Variants in TMC6 observed in about 807,000 individuals in gnomAD.
TMC6 encodes the protein transmembrane channel like 6, also known as transmembrane channel-like protein 6.
Under a neutral mutation model 95.4 loss-of-function variants are expected in TMC6, and 71 were observed. The observed-to-expected ratio is 0.74, with a 90% CI of 0.61 to 0.91. The LOEUF is 0.91. Among genes scored for constraint, TMC6 ranks in the 40% least tolerant of loss-of-function variants. The probability of loss-of-function intolerance (pLI) is 0.00; values close to 1 mark genes in which losing one functional copy is unlikely to be tolerated. For synonymous variants in TMC6, 514 were observed against 483.1 expected (o/e 1.06, Z -0.84); for missense variants, 1,074 against 1,079.1 (o/e 1.00, Z 0.07).
chr17:78,121,311 A>G lies in TMC6; in HGVS notation c.1384-147T>C, dbSNP rs1427202173. On this transcript the variant is annotated intron_variant, in intron 11 of 19. Transcript: ENST00000590602. This position sits in a 1 kb window ranked among gnomAD's most constrained non-coding sequence, Gnocchi z 5.6. ...TCCCCAGGCCTCAAGTTCAAACCAC[A>G]CAGGAAGCAGGGAGGGGTACAAGTA... The G allele has an allele frequency of 3.8e-5, 53 of 1,393,622 alleles. No homozygotes were observed. In the South Asian group the frequency reaches 6.2e-4, roughly 16 times the overall value. The allele number at this position is 1,393,622 out of a possible 1,614,324, so 86.3% of individuals were successfully genotyped here. A position where few individuals can be genotyped will look rare whatever the true frequency, so the allele number is the denominator to read the frequency against.
intron 4 of TMC6, 56 bp downstream of exon 4, chr17:78,126,221 G>A: frequency 6.5e-7 from 1 of 1,534,450 alleles, no homozygotes; most frequent in Non-Finnish European, 8.8e-7. Flanking sequence ...CCCAGCCCCA[G>A]GGACTGGGGT....
rs1200963315 is a variant in TMC6, at chr17:78,109,688, C to A, written c.*3460G>T. The A allele has an allele frequency of 5.2e-6, 2 of 388,188 alleles. No individual in the cohort carries two copies. Among genetic ancestry groups the A allele is most frequent in the South Asian group, 3.8e-5 (2 of 53,138 alleles). 24.0% of individuals were successfully genotyped at this position (388,188 alleles called of 1,614,324 possible). ...GCCCACGGGCGTGAGTGCATGCATG[C>A]GTTTGTGACAGCCTGGTGCTCGGAT... is the stretch of plus-strand genomic sequence containing the variant. On this transcript the variant is annotated 3_prime_UTR_variant, in exon 20 of 20. Coordinates refer to ENST00000590602, the MANE Select transcript of TMC6 (RefSeq NM_001127198.5).
intron 4 of TMC6, 184 bp from the exon 5 acceptor site, chr17:78,126,068 C>CA (rs2074696097): frequency 1.8e-6 from 2 of 1,136,648 alleles, no homozygotes; most frequent in Non-Finnish European, 2.5e-6. Flanking sequence ...ACTCTGGAGT[C>CA]ATTTTTGGAG....
At position 78,120,940 on chromosome 17, in the gene TMC6, T is replaced by A. The variant is rs564306887; in HGVS notation, c.1535+73A>T. On this transcript the variant is annotated intron_variant, in intron 12 of 19. Coordinates refer to ENST00000590602, the MANE Select transcript of TMC6 (RefSeq NM_001127198.5). ...CACACCGGCCTCATCCTAAGTAGGT[T>A]TGGATACACCCGGAGCTAAACAACC... is the stretch of plus-strand genomic sequence containing the variant. 1.7e-5 allele frequency: 28 copies of A among 1,612,356 alleles called. No homozygotes were observed. The South Asian group carries it at 3.1e-4, about 18-fold the overall frequency.
At chr17:78,117,242 T>C (rs1157255851) in intron 18 of TMC6, 27 bp downstream of exon 18, 2 of 1,612,502 alleles carry the variant, frequency 1.2e-6, no homozygotes, top group Non-Finnish European at 1.7e-6. Context: ...GGGTGGGGGC[T>C]GAGAGCAGCC....
At position 78,125,802 on chromosome 17, in the gene TMC6, C is replaced by G; in HGVS notation, c.354G>C (p.Gly118=). 6.4e-7 allele frequency: 1 copy of G among 1,559,750 alleles called. No homozygotes were observed. ...TGGGCCAGGCGGAGCGGACAAAGTTCCCGAGCAGGGGCCGGCTGCTCCTGC... is the reference window on the plus strand; with the variant it reads ...TGGGCCAGGCGGAGCGGACAAAGTTGCCGAGCAGGGGCCGGCTGCTCCTGC... ...LRCRSSRPLL[G]NFVRSAWPSL... is the part of the protein sequence containing the mutation. Residue 118 remains glycine (G), a synonymous_variant, in exon 5 of 20, where the codon GGG becomes GGC. Coordinates refer to ENST00000590602, the MANE Select transcript of TMC6 (RefSeq NM_001127198.5).
At chr17:78,123,876 C>T in intron 9 of TMC6, 113 bp downstream of exon 9, 1 of 1,395,936 alleles carries the variant, frequency 7.2e-7, no homozygotes, top group Admixed American at 1.9e-5. Flanking sequence ...TGAGAGCAGA[C>T]AGGTAGATGG....
At position 78,122,824 on chromosome 17, in the gene TMC6, T is replaced by C. The variant is rs2074484741; in HGVS notation, c.1083-75A>G. The C allele has an allele frequency of 1.7e-5, 26 of 1,556,046 alleles. No individual in the cohort carries two copies. The highest frequency in any genetic ancestry group is 2.2e-5 in the Non-Finnish European group (26 of 1,157,360). ...GGCCAAGGGGAGAAGGCAGACCGGATGCTCTGGGCAGCCAGACCCCACCAC... is the reference window on the plus strand; with the variant it reads ...GGCCAAGGGGAGAAGGCAGACCGGACGCTCTGGGCAGCCAGACCCCACCAC... On this transcript the variant is annotated intron_variant, in intron 9 of 19. Coordinates refer to ENST00000590602, the MANE Select transcript of TMC6 (RefSeq NM_001127198.5). The surrounding 1 kb of genome is among the most constrained non-coding windows in gnomAD (Gnocchi z 4.9).
upstream of TMC6, chr17:78,131,872 C>G (rs1208728001): frequency 9.6e-6 from 14 of 1,459,076 alleles, no homozygotes; most frequent in African/African-American, 1.4e-4. Context: ...CTGTCACCAC[C>G]CCCGTCCAGG....
At position 78,109,877 on chromosome 17, in the gene TMC6, A is replaced by G; in HGVS notation, c.*3271T>C. 3.5e-6 allele frequency: 1 copy of G among 287,938 alleles called. No homozygotes were observed. Among genetic ancestry groups the G allele is most frequent in the South Asian group, 3.1e-5 (1 of 31,766 alleles). The allele number at this position is 287,938 out of a possible 1,614,324, so 17.8% of individuals were successfully genotyped here. On this transcript the variant is annotated 3_prime_UTR_variant, in exon 20 of 20. Coordinates refer to ENST00000590602, the MANE Select transcript of TMC6 (RefSeq NM_001127198.5). Reference sequence around the variant, plus strand: ...AGGTCAGGAGTTCAAGACCAGCCTGAGCAACATGGAGAAACCCTGTCTCTA... The same window carrying G: ...AGGTCAGGAGTTCAAGACCAGCCTGGGCAACATGGAGAAACCCTGTCTCTA...
chr17:78,129,134 C>T (rs1318623303), upstream of TMC6, among the ~76,000 whole-genome samples: 1 of 151,982 alleles, frequency 6.6e-6, no homozygotes, highest in Non-Finnish European at 1.5e-5. The surrounding 1 kb of genome is among the most constrained non-coding windows in gnomAD (Gnocchi z 4.3). Context: ...CCCCGCCGCC[C>T]CCGCAAGCCT....
Position 78,128,310 on chromosome 17 carries a change from C to T in TMC6, c.-75+302G>A, listed in dbSNP as rs1172175406. Reference sequence around the variant, plus strand: ...CCGTCCAGCCGGCCTCCCTGTCCCCCGCCCCTTCCCATCCCGGCCACACCC... The same window carrying T: ...CCGTCCAGCCGGCCTCCCTGTCCCCTGCCCCTTCCCATCCCGGCCACACCC... On this transcript the variant is annotated intron_variant, in intron 1 of 19. Coordinates refer to ENST00000590602, the MANE Select transcript of TMC6 (RefSeq NM_001127198.5). The surrounding 1 kb of genome is among the most constrained non-coding windows in gnomAD (Gnocchi z 4.0). Among the ~76,000 whole-genome samples the T allele has an allele frequency of 6.6e-6, 1 of 152,138 alleles. No individual in the cohort carries two copies. Among genetic ancestry groups the T allele is most frequent in the Non-Finnish European group, 1.5e-5 (1 of 68,006 alleles).
upstream of TMC6, chr17:78,131,455 AG>A: frequency 2.3e-6 from 3 of 1,282,994 alleles, no homozygotes; most frequent in South Asian, 1.3e-5. Context: ...GCCGGCGCAG[AG>A]GGGACGGAAG....
In TMC6 at chr17:78,121,202, C is replaced by T. The variant is rs1411812000; in HGVS notation, c.1384-38G>A. 7 of 1,556,050 alleles carry T rather than the reference C, an allele frequency of 4.5e-6. No homozygotes were observed. The highest frequency in any genetic ancestry group is 3.5e-5 in the South Asian group (3 of 85,556). ...AGGGAGCGGTGTCATGGAAGCCCCC[C>T]ATCCATGGTGGGAGCGGGCAGCTAC... is the stretch of plus-strand genomic sequence containing the variant. On this transcript the variant is annotated intron_variant, in intron 11 of 19. Coordinates refer to ENST00000590602, the MANE Select transcript of TMC6 (RefSeq NM_001127198.5). The surrounding 1 kb of genome is among the most constrained non-coding windows in gnomAD (Gnocchi z 5.6).
At position 78,118,860 on chromosome 17, in the gene TMC6, C is replaced by T. The variant is rs2613519; in HGVS notation, c.1887+111G>A. ...GGGCAGCCCCGAGCCGCCAGCCCCA[C>T]TCCACTCAGGTGGGGAGGGTTCTAG... On this transcript the variant is annotated intron_variant, in intron 15 of 19. Coordinates refer to ENST00000590602, the MANE Select transcript of TMC6 (RefSeq NM_001127198.5). The T allele has an allele frequency of 0.37, 465,314 of 1,265,748 alleles. 86,641 individuals carry two copies. The highest frequency in any genetic ancestry group is 0.44 in the African/African-American group (29,769 of 67,398). The allele number at this position is 1,265,748 out of a possible 1,614,324, so 78.4% of individuals were successfully genotyped here. A position where few individuals can be genotyped will look rare whatever the true frequency, so the allele number is the denominator to read the frequency against.
intron 18 of TMC6, among the ~76,000 whole-genome samples, chr17:78,115,499 C>T (rs2074025693): frequency 6.6e-6 from 1 of 152,128 alleles, no homozygotes; most frequent in Non-Finnish European, 1.5e-5. Flanking sequence ...TCACGGGGGG[C>T]CGTTCCCCAG....
At chr17:78,126,669 G>C in intron 2 of TMC6, 21 bp from the exon 3 acceptor site, 1 of 1,612,602 alleles carries the variant, frequency 6.2e-7, no homozygotes, top group Non-Finnish European at 8.5e-7. Flanking sequence ...GGTTGGCGGG[G>C]GGGTCAGGCT....
In TMC6 at chr17:78,109,645, AT is replaced by A. The variant is rs1567975758; in HGVS notation, c.*3502del. ...CCCCATCTCAAAAAAGCAGAAGCAC[AT>A]TTCCGAAGCCCCCCAAGCCCACGGG... is the stretch of plus-strand genomic sequence containing the variant. On this transcript the variant is annotated 3_prime_UTR_variant, in exon 20 of 20. Transcript: ENST00000590602. The A allele has an allele frequency of 4.6e-6, 2 of 437,310 alleles. No individual in the cohort carries two copies. Among genetic ancestry groups the A allele is most frequent in the Non-Finnish European group, 9.2e-6 (2 of 216,610 alleles). 27.1% of individuals were successfully genotyped at this position (437,310 alleles called of 1,614,324 possible).
In TMC6 at chr17:78,111,337, A is replaced by G. The variant is rs570392505; in HGVS notation, c.*1811T>C. The stretch of plus-strand genomic sequence containing the variant: ...AGTACTGTCCTTTGTGAGGCTGGCA[A>G]GATGGGCTCAACAGGTCACAACCAA... On this transcript the variant is annotated 3_prime_UTR_variant, in exon 20 of 20. Transcript: ENST00000590602. 6.6e-6 allele frequency: 1 copy of G among 152,442 alleles called. No individual in the cohort carries two copies. The highest frequency in any genetic ancestry group is 1.9e-4 in the East Asian group (1 of 5,190). The allele number at this position is 152,442 out of a possible 1,614,324, so 9.4% of individuals were successfully genotyped here.
Sources: gnomAD v4.1 joint callset for allele counts (sites outside exome capture counted in the v4.1 genomes callset) on GRCh38, gnomAD v4.1.1 for gene constraint, Gnocchi (gnomAD v3.1) non-coding constraint, MANE v1.5 for transcripts, NCBI Gene and HGNC (gene_info 2026-07-23, HGNC 2026-07-21) for gene names.